PTPRK: variants seen among roughly 807,000 people sequenced by gnomAD.
The protein encoded by PTPRK is protein tyrosine phosphatase receptor type K.
In PTPRK, 75 loss-of-function variants were observed where a neutral mutation model predicts 178.0. The observed-to-expected ratio is 0.42, with a 90% CI of 0.35 to 0.51. PTPRK has a LOEUF of 0.51. Ranked by LOEUF, PTPRK falls within the 20% of genes least tolerant of loss-of-function variation. The pLI is 0.02. For synonymous variants in PTPRK, 637 were observed against 620.6 expected (o/e 1.03, Z -0.39); for missense variants, 1,441 against 1,797.8 (o/e 0.80, Z 3.59).
intron 3 of PTPRK, among the ~76,000 whole-genome samples, chr6:128,299,427 C>T (rs890753296): frequency 9.2e-5 from 14 of 151,446 alleles, no homozygotes; most frequent in African/African-American, 3.1e-4. Flanking sequence ...AATCCTAAGC[C>T]AAAAGAACAA....
At chr6:128,092,223 T>C (rs973738998) in intron 7 of PTPRK, among the ~76,000 whole-genome samples, 6 of 152,138 alleles carry the variant, frequency 3.9e-5, no homozygotes, top group African/African-American at 9.7e-5. Flanking sequence ...AGTCAATATG[T>C]TATTTGAAAT....
chr6:128,155,775 G>A (rs571339780), intron 7 of PTPRK, among the ~76,000 whole-genome samples: 2 of 151,910 alleles, frequency 1.3e-5, no homozygotes, highest in South Asian at 4.2e-4. Flanking sequence ...CAGAACTTTA[G>A]TAAGCTTTGA....
rs373465283 is a variant in PTPRK, at chr6:128,473,713, TCTCA to T, written c.100+46542_100+46545del. Among the ~76,000 whole-genome samples, 303 of 152,152 alleles carry T rather than the reference TCTCA, an allele frequency of 2.0e-3. 1 individual carries two copies. Among genetic ancestry groups the T allele is most frequent in the South Asian group, 0.011 (55 of 4,826 alleles). On this transcript the variant is annotated intron_variant, in intron 1 of 29. Transcript: ENST00000368226. ...TCTTAATTTCCATGATCTTAAAGTC[TCTCA>T]GAGTACAGAATGCCTGAACGAATGT... is the stretch of plus-strand genomic sequence containing the variant.
At chr6:128,155,566 G>T (rs1178722616) in intron 7 of PTPRK, among the ~76,000 whole-genome samples, 1 of 151,326 alleles carries the variant, frequency 6.6e-6, no homozygotes, top group Non-Finnish European at 1.5e-5. Flanking sequence ...ATAGATTGGT[G>T]TAAAAGTAAC....
chr6:128,266,032 G>A (rs1768352), intron 3 of PTPRK, among the ~76,000 whole-genome samples: 6,741 of 152,088 alleles, frequency 0.044, 501 homozygotes, highest in African/African-American at 0.15. Flanking sequence ...CAAGTCTGTT[G>A]GTGCCTTGAT....
intron 5 of PTPRK, among the ~76,000 whole-genome samples, chr6:128,232,911 T>C (rs1465300393): frequency 6.6e-6 from 1 of 152,242 alleles, no homozygotes; most frequent in Non-Finnish European, 1.5e-5. Flanking sequence ...TTTTTCTTTA[T>C]GCATGTTACC....
intron 1 of PTPRK, among the ~76,000 whole-genome samples, chr6:128,451,333 G>C (rs1847766441): frequency 1.3e-5 from 2 of 152,116 alleles, no homozygotes; most frequent in African/African-American, 4.8e-5. Context: ...TAACAAAACA[G>C]AGTATAAATT....
intron 5 of PTPRK, among the ~76,000 whole-genome samples, chr6:128,221,351 C>T (rs557147162): frequency 6.2e-4 from 94 of 150,692 alleles, no homozygotes; most frequent in African/African-American, 2.1e-3. Flanking sequence ...GGTGAAACCC[C>T]GTCTGTACTA....
At chr6:128,191,051 TATTTCACAC>T (rs1803706280) in intron 6 of PTPRK, among the ~76,000 whole-genome samples, 1 of 152,004 alleles carries the variant, frequency 6.6e-6, no homozygotes, top group South Asian at 2.1e-4. Flanking sequence ...ATGCTTACAA[TATTTCACAC>T]ACGAGTAACT....
chr6:128,515,243 T>C (rs961981337), intron 1 of PTPRK, among the ~76,000 whole-genome samples: 1 of 152,222 alleles, frequency 6.6e-6, no homozygotes, highest in Non-Finnish European at 1.5e-5. Flanking sequence ...TTCTGTGACA[T>C]TAAAAGATTA....
At chr6:128,311,227 C>T (rs750459262) in intron 3 of PTPRK, among the ~76,000 whole-genome samples, 2 of 152,118 alleles carry the variant, frequency 1.3e-5, no homozygotes, top group Non-Finnish European at 2.9e-5. Flanking sequence ...ATGCGAACAA[C>T]GCAACTTCAT....
intron 3 of PTPRK, among the ~76,000 whole-genome samples, chr6:128,247,977 G>A (rs1306765012): frequency 1.3e-5 from 2 of 151,916 alleles, no homozygotes; most frequent in African/African-American, 2.4e-5. Flanking sequence ...TTTTGCTAAC[G>A]TTCAGAATAA....
At chr6:128,374,944 G>T (rs985391916) in intron 2 of PTPRK, among the ~76,000 whole-genome samples, 23 of 151,752 alleles carry the variant, frequency 1.5e-4, no homozygotes, top group Non-Finnish European at 5.9e-5. Flanking sequence ...CTAGTTCAAG[G>T]ACTTTCCACT....
chr6:128,429,904 T>C (rs1562503221), intron 1 of PTPRK, among the ~76,000 whole-genome samples: 1 of 152,216 alleles, frequency 6.6e-6, no homozygotes, highest in Admixed American at 6.5e-5. Context: ...ATAAAGTTAA[T>C]TTTAAACTAT....
chr6:128,396,568 T>C (rs1840328074), intron 2 of PTPRK, among the ~76,000 whole-genome samples: 1 of 152,068 alleles, frequency 6.6e-6, no homozygotes, highest in African/African-American at 2.4e-5. Context: ...CAATATTGTA[T>C]GAAATGGTAT....
Position 128,053,173 on chromosome 6 carries a change from CA to C in PTPRK, c.2194+11584del, listed in dbSNP as rs1779324404. On this transcript the variant is annotated intron_variant, in intron 13 of 29. Coordinates refer to ENST00000368226, the MANE Select transcript of PTPRK (RefSeq NM_002844.4). The stretch of plus-strand genomic sequence containing the variant: ...GAACACACACACACACACACACACA[CA>C]CACACACACCCCTATACACACAGTT... 4.0e-5 allele frequency among the ~76,000 whole-genome samples: 6 copies of C among 151,508 alleles called. 1 individual carries two copies. Among genetic ancestry groups the C allele is most frequent in the African/African-American group, 1.5e-4 (6 of 40,992 alleles).
intron 1 of PTPRK, among the ~76,000 whole-genome samples, chr6:128,411,019 G>A (rs2128379037): frequency 6.6e-6 from 1 of 152,288 alleles, no homozygotes; most frequent in East Asian, 1.9e-4. Flanking sequence ...AGACTCCTGA[G>A]TACCTGGGAC....
intron 6 of PTPRK, among the ~76,000 whole-genome samples, chr6:128,214,299 T>C (rs1392181637): frequency 6.6e-6 from 1 of 152,106 alleles, no homozygotes; most frequent in Non-Finnish European, 1.5e-5. Flanking sequence ...ATCCTACTGA[T>C]TACCTATGAT....
At chr6:128,125,000 A>T (rs1459218357) in intron 7 of PTPRK, among the ~76,000 whole-genome samples, 2 of 152,206 alleles carry the variant, frequency 1.3e-5, no homozygotes, top group African/African-American at 2.4e-5. Flanking sequence ...AAACCTGCTA[A>T]ACTGCAGATT....
Sources: gnomAD v4.1 joint callset for allele counts (sites outside exome capture counted in the v4.1 genomes callset) on GRCh38, gnomAD v4.1.1 for gene constraint, MANE v1.5 for transcripts, NCBI Gene and HGNC (gene_info 2026-07-23, HGNC 2026-07-21) for gene names.